Variants in FARS2 observed in about 807,000 individuals in gnomAD.
FARS2 encodes phenylalanine--tRNA ligase, mitochondrial.
A neutral mutation model predicts 46.4 loss-of-function variants in FARS2; 40 were observed. That is an observed-to-expected ratio of 0.86 (90% CI 0.67 to 1.12). The LOEUF (loss-of-function observed/expected upper bound fraction) is 1.12. Among genes scored for constraint, FARS2 ranks in the 50% most tolerant of loss-of-function variants. The pLI is 0.00. For synonymous variants in FARS2, 234 were observed against 214.9 expected (o/e 1.09, Z -0.78); for missense variants, 513 against 567.9 (o/e 0.90, Z 0.98).
intron 4 of FARS2, among the ~76,000 whole-genome samples, chr6:5,450,335 G>A (rs1222029726): frequency 6.6e-6 from 1 of 151,944 alleles, no homozygotes; most frequent in Non-Finnish European, 1.5e-5. Context: ...TGAGGAATGA[G>A]TAAGGGTTGG....
intron 6 of FARS2, among the ~76,000 whole-genome samples, chr6:5,752,001 G>T (rs541527563): frequency 7.9e-5 from 12 of 152,258 alleles, no homozygotes; most frequent in African/African-American, 2.2e-4. Flanking sequence ...TGCGTCATGT[G>T]CCCGGAGGTG....
At chr6:5,473,807 G>A (rs1349909140) in intron 4 of FARS2, among the ~76,000 whole-genome samples, 1 of 152,108 alleles carries the variant, frequency 6.6e-6, no homozygotes, top group Non-Finnish European at 1.5e-5. Context: ...TGTAGGCAGC[G>A]GTGTCTTTCA....
chr6:5,332,300 C>T (rs750271148), intron 1 of FARS2, among the ~76,000 whole-genome samples: 9 of 152,146 alleles, frequency 5.9e-5, no homozygotes, highest in African/African-American at 2.2e-4. Flanking sequence ...TCATCTTCAG[C>T]GGAATGCTAA....
At chr6:5,383,960 G>T (rs988020320) in intron 2 of FARS2, among the ~76,000 whole-genome samples, 1 of 151,852 alleles carries the variant, frequency 6.6e-6, no homozygotes, top group African/African-American at 2.4e-5. Context: ...CTTTCTCTCT[G>T]TTTGATCTGT....
At chr6:5,691,458 A>G (rs1757710040) in intron 6 of FARS2, among the ~76,000 whole-genome samples, 1 of 152,180 alleles carries the variant, frequency 6.6e-6, no homozygotes, top group Non-Finnish European at 1.5e-5. Flanking sequence ...GGTCCACTCC[A>G]GACCGTGTTT....
In FARS2 at chr6:5,359,029, CCTTTTTT is replaced by C. The variant is rs1354385441; in HGVS notation, c.-21-9520_-21-9514del. Among the ~76,000 whole-genome samples the C allele has an allele frequency of 6.9e-5, 5 of 72,534 alleles. No individual in the cohort carries two copies. In the South Asian group the frequency reaches 2.7e-3, roughly 39 times the overall value. The allele number at this position is 72,534 out of a possible 152,430, so 47.6% of individuals were successfully genotyped here. A position where few individuals can be genotyped will look rare whatever the true frequency, so the allele number is the denominator to read the frequency against. On this transcript the variant is annotated intron_variant, in intron 1 of 6. Transcript: ENST00000274680. ...TCGAATTATAGTGATGAAAAGATAC[CCTTTTTT>C]TTTTTTTTTTTTTTTTTTTTTGATA...
intron 6 of FARS2, among the ~76,000 whole-genome samples, chr6:5,736,403 G>C (rs1760950798): frequency 6.6e-6 from 1 of 152,176 alleles, no homozygotes; most frequent in Non-Finnish European, 1.5e-5. Context: ...GGGATCTCTA[G>C]GGGGCATCTC....
At chr6:5,667,325 C>A (rs1214140865) in intron 6 of FARS2, among the ~76,000 whole-genome samples, 1 of 151,950 alleles carries the variant, frequency 6.6e-6, no homozygotes. Flanking sequence ...CGAGACCAGC[C>A]TGGCCAATAT....
chr6:5,378,243 A>G (rs1431088572), intron 2 of FARS2, among the ~76,000 whole-genome samples: 1 of 151,794 alleles, frequency 6.6e-6, no homozygotes, highest in Non-Finnish European at 1.5e-5. Flanking sequence ...TACACGTTTG[A>G]GAACCACTGT....
rs76960498 is a variant in FARS2 at position 5,487,246 on chromosome 6, G to A, written c.904+56074G>A. 5.5e-3 allele frequency among the ~76,000 whole-genome samples: 845 copies of A among 152,310 alleles called. 11 individuals carry two copies. The highest frequency in any genetic ancestry group is 0.038 in the South Asian group (182 of 4,828). ...CTGGTGCACCTACCTGGGTGCCAAC[G>A]TTGTAGGAAGAAGCTGTCTGCACTG... On this transcript the variant is annotated intron_variant, in intron 4 of 6. Transcript: ENST00000274680.
intron 6 of FARS2, among the ~76,000 whole-genome samples, chr6:5,704,301 C>A (rs1307604644): frequency 1.1e-4 from 16 of 152,132 alleles, no homozygotes; most frequent in Non-Finnish European, 5.9e-5. Flanking sequence ...TCTCCAGGGC[C>A]CCTTTATAAA....
At chr6:5,610,384 G>A (rs1490762580) in intron 5 of FARS2, among the ~76,000 whole-genome samples, 1 of 151,002 alleles carries the variant, frequency 6.6e-6, no homozygotes, top group Non-Finnish European at 1.5e-5. Flanking sequence ...TCTGTATATA[G>A]GGGTTTCACA....
chr6:5,391,347 G>T (rs545874652), intron 2 of FARS2, among the ~76,000 whole-genome samples: 6 of 152,258 alleles, frequency 3.9e-5, no homozygotes, highest in African/African-American at 1.4e-4. Context: ...AAATAATAAG[G>T]ATTGTGAAGA....
At chr6:5,373,156 G>A (rs1410599922) in intron 2 of FARS2, among the ~76,000 whole-genome samples, 1 of 152,070 alleles carries the variant, frequency 6.6e-6, no homozygotes, top group Non-Finnish European at 1.5e-5. Context: ...TGAGAGAAAA[G>A]GAGAGCTTCC....
chr6:5,712,236 A>G (rs1318983391), intron 6 of FARS2, among the ~76,000 whole-genome samples: 1 of 152,154 alleles, frequency 6.6e-6, no homozygotes. Flanking sequence ...TAATATCACA[A>G]GTGATGTTAG....
rs1473840796 is a variant in FARS2 at position 5,271,593 on chromosome 6, C to T, written c.-22+9933C>T. 1.3e-4 allele frequency among the ~76,000 whole-genome samples: 15 copies of T among 118,138 alleles called. No homozygotes were observed. In the East Asian group the frequency reaches 3.1e-3, roughly 25 times the overall value. The allele number at this position is 118,138 out of a possible 152,430, so 77.5% of individuals were successfully genotyped here. On this transcript the variant is annotated intron_variant, in intron 1 of 6. Coordinates refer to ENST00000274680, the MANE Select transcript of FARS2 (RefSeq NM_006567.5). ...TTTTTTTTTTTTTGAGGCGGAGTCT[C>T]GCTCTGTCACCCAGGCTGGAGTGCA... is the stretch of plus-strand genomic sequence containing the variant.
In FARS2 at chr6:5,399,704, T is replaced by G. The variant is rs531399468; in HGVS notation, c.613-4838T>G. Among the ~76,000 whole-genome samples the G allele has an allele frequency of 3.7e-4, 56 of 152,310 alleles. 1 individual carries two copies. In the South Asian group the frequency reaches 0.011, roughly 31 times the overall value. ...TGATTCATGTGTATTTTATTATTTC[T>G]TACATGAAAGGTAGCAAGTAATATA... On this transcript the variant is annotated intron_variant, in intron 2 of 6. Transcript: ENST00000274680.
intron 4 of FARS2, among the ~76,000 whole-genome samples, chr6:5,528,216 A>T (rs1769593205): frequency 6.6e-6 from 1 of 151,798 alleles, no homozygotes; most frequent in Non-Finnish European, 1.5e-5. Context: ...AAAAAAAGAG[A>T]TGGAGGTTTC....
chr6:5,516,768 T>C lies in FARS2; in HGVS notation c.905-28412T>C, dbSNP rs530492694. The stretch of plus-strand genomic sequence containing the variant: ...AAAAGAGCTGTGTATCTTTGCAATA[T>C]AACTTTGCATTTTTTAATTAACCAA... On this transcript the variant is annotated intron_variant, in intron 4 of 6. Coordinates refer to ENST00000274680, the MANE Select transcript of FARS2 (RefSeq NM_006567.5). 9.7e-4 allele frequency among the ~76,000 whole-genome samples: 148 copies of C among 152,338 alleles called. 1 individual carries two copies. Among genetic ancestry groups the C allele is most frequent in the Non-Finnish European group, 1.6e-3 (107 of 68,022 alleles).
Sources: allele counts gnomAD v4.1 joint callset (sites outside exome capture counted in the v4.1 genomes callset), GRCh38; gene constraint gnomAD v4.1.1; transcripts MANE v1.5; gene names NCBI Gene and HGNC (gene_info 2026-07-23, HGNC 2026-07-21).